SHISA9: variants seen among roughly 807,000 people sequenced by gnomAD.
The protein encoded by SHISA9 is shisa family member 9, also known as protein shisa-9.
A neutral mutation model predicts 38.0 loss-of-function variants in SHISA9; 13 were observed. The ratio of observed to expected loss-of-function variants is 0.34; its 90% confidence interval spans 0.22 to 0.54. The LOEUF (loss-of-function observed/expected upper bound fraction) is 0.54. SHISA9 is among the 20% of genes least tolerant of loss of function. SHISA9 has a pLI of 0.91. For synonymous variants in SHISA9, 275 were observed against 242.0 expected (o/e 1.14, Z -1.27); for missense variants, 538 against 575.8 (o/e 0.93, Z 0.67).
At chr16:13,059,761 G>A (rs139971450) in intron 2 of SHISA9, among the ~76,000 whole-genome samples, 3 of 152,044 alleles carry the variant, frequency 2.0e-5, no homozygotes, top group Non-Finnish European at 2.9e-5. Context: ...GAATGAGGTC[G>A]TTAGGGTAAG....
the SHISA9 span, among the ~76,000 whole-genome samples, chr16:13,394,979 G>A: frequency 2.0e-5 from 3 of 151,682 alleles, no homozygotes; most frequent in Non-Finnish European, 4.4e-5. Context: ...GGCTGTTTGT[G>A]TGTGTGCATG....
chr16:13,119,595 C>T (rs1018644605), intron 2 of SHISA9, among the ~76,000 whole-genome samples: 5 of 152,138 alleles, frequency 3.3e-5, no homozygotes, highest in Non-Finnish European at 7.3e-5. Context: ...TTAATAATCA[C>T]GAATAACAAA....
At chr16:13,317,667 C>CT in the SHISA9 span, among the ~76,000 whole-genome samples, 27 of 152,288 alleles carry the variant, frequency 1.8e-4, no homozygotes, top group African/African-American at 6.3e-4. Flanking sequence ...CACAACAGCC[C>CT]TACCTCACAG....
chr16:13,548,744 C>CATACCTTTTTGGTGGG, the SHISA9 span, among the ~76,000 whole-genome samples: 165 of 152,232 alleles, frequency 1.1e-3, no homozygotes, highest in Non-Finnish European at 1.8e-3. Flanking sequence ...AAGGAGAACA[C>CATACCTTTTTGGTGGG]ATACCTTTTT....
At chr16:13,120,503 G>C (rs1313479718) in intron 2 of SHISA9, among the ~76,000 whole-genome samples, 1 of 152,178 alleles carries the variant, frequency 6.6e-6, no homozygotes, top group East Asian at 1.9e-4. Context: ...TGGGGACTGA[G>C]AGAACATATT....
the SHISA9 span, among the ~76,000 whole-genome samples, chr16:13,475,719 T>G: frequency 6.6e-6 from 1 of 152,182 alleles, no homozygotes; most frequent in Non-Finnish European, 1.5e-5. Context: ...ATGAAATAAT[T>G]ATACAACTCA....
chr16:13,367,712 G>GCGCACACACACACACA, the SHISA9 span, among the ~76,000 whole-genome samples: 56 of 104,690 alleles, frequency 5.3e-4, 1 homozygote, highest in South Asian at 2.4e-3. Context: ...GCGCGCGCGC[G>GCGCACACACACACACA]CACACACACA....
the SHISA9 span, among the ~76,000 whole-genome samples, chr16:13,510,794 T>TGG: frequency 5.9e-5 from 9 of 152,068 alleles, no homozygotes; most frequent in African/African-American, 2.2e-4. Flanking sequence ...TTTCTGGGTT[T>TGG]TTTTTTTGTA....
Position 12,918,312 on chromosome 16 carries a change from C to T in SHISA9, c.691+1497C>T, listed in dbSNP as rs151281860. On this transcript the variant is annotated intron_variant, in intron 2 of 4. Coordinates refer to ENST00000558583, the MANE Select transcript of SHISA9 (RefSeq NM_001145204.3). ...CACTGGGAAATAAGTTGAACCTAGT[C>T]GTGTGCTTCAGTCCCAGACATCGTA... 2.6e-5 allele frequency among the ~76,000 whole-genome samples: 4 copies of T among 152,238 alleles called. No homozygotes were observed. In the South Asian group the frequency reaches 6.2e-4, roughly 24 times the overall value.
chr16:13,257,447 G>C, the SHISA9 span, among the ~76,000 whole-genome samples: 1 of 152,150 alleles, frequency 6.6e-6, no homozygotes, highest in African/African-American at 2.4e-5. Context: ...TGGGGACTGG[G>C]ACAATATCGG....
the SHISA9 span, among the ~76,000 whole-genome samples, chr16:13,497,700 AAG>A: frequency 6.6e-6 from 1 of 151,360 alleles, no homozygotes; most frequent in Non-Finnish European, 1.5e-5. Context: ...AAAAAAAAAA[AAG>A]AAAAAAGAAA....
At chr16:13,448,487 C>T in the SHISA9 span, among the ~76,000 whole-genome samples, 1 of 152,206 alleles carries the variant, frequency 6.6e-6, no homozygotes, top group Non-Finnish European at 1.5e-5. Context: ...CTGTCAACTT[C>T]TTCCTGATGC....
chr16:13,046,868 A>T (rs1370127893), intron 2 of SHISA9, among the ~76,000 whole-genome samples: 1 of 152,022 alleles, frequency 6.6e-6, no homozygotes, highest in Non-Finnish European at 1.5e-5. Context: ...GCTCAGCCTT[A>T]TGCTTCAGTA....
chr16:12,959,374 T>A (rs2071878310), intron 2 of SHISA9, among the ~76,000 whole-genome samples: 1 of 152,220 alleles, frequency 6.6e-6, no homozygotes, highest in Non-Finnish European at 1.5e-5. Flanking sequence ...AAACATTTGC[T>A]AGGTGCTTCC....
intron 2 of SHISA9, among the ~76,000 whole-genome samples, chr16:13,019,813 T>TCC (rs2072806832): frequency 7.0e-6 from 1 of 143,284 alleles, no homozygotes; most frequent in Admixed American, 7.0e-5. Context: ...TCTTTCTTTC[T>TCC]TTCTTTCTTT....
At chr16:13,002,417 C>T (rs1375450739) in intron 2 of SHISA9, among the ~76,000 whole-genome samples, 3 of 152,062 alleles carry the variant, frequency 2.0e-5, no homozygotes, top group Admixed American at 1.3e-4. Flanking sequence ...CCACAAGCGA[C>T]GGCTCCAGGA....
At chr16:13,474,527 A>G in the SHISA9 span, among the ~76,000 whole-genome samples, 2 of 152,212 alleles carry the variant, frequency 1.3e-5, no homozygotes, top group Admixed American at 1.3e-4. Context: ...AATTATTAGA[A>G]CTGTTCTAGG....
At chr16:13,030,853 G>A (rs893441103) in intron 2 of SHISA9, among the ~76,000 whole-genome samples, 8 of 152,178 alleles carry the variant, frequency 5.3e-5, no homozygotes, top group African/African-American at 1.9e-4. Flanking sequence ...TGAATCCCAA[G>A]GACCCCTTCA....
At chr16:13,366,391 A>G in the SHISA9 span, among the ~76,000 whole-genome samples, 2 of 152,260 alleles carry the variant, frequency 1.3e-5, no homozygotes, top group Admixed American at 6.5e-5. Flanking sequence ...TTTAGTAAAT[A>G]TATTTCAAAC....
Sources: gnomAD v4.1 joint callset for allele counts (sites outside exome capture counted in the v4.1 genomes callset) on GRCh38, gnomAD v4.1.1 for gene constraint, MANE v1.5 for transcripts, NCBI Gene and HGNC (gene_info 2026-07-23, HGNC 2026-07-21) for gene names.